Variants in CDH13 observed in about 807,000 individuals in gnomAD.
The protein encoded by CDH13 is cadherin-13.
A neutral mutation model predicts 63.8 loss-of-function variants in CDH13; 24 were observed. The ratio of observed to expected loss-of-function variants is 0.38; its 90% CI spans 0.27 to 0.53. The LOEUF is 0.53. Among genes scored for constraint, CDH13 ranks in the 20% least tolerant of loss-of-function variants. The pLI, the probability that CDH13 is intolerant of heterozygous loss-of-function variation, is 0.85. For synonymous variants in CDH13, 503 were observed against 355.3 expected, an observed-to-expected ratio of 1.42 and a Z score of -4.67; for missense variants, 1,049 against 903.1, an observed-to-expected ratio of 1.16 and a Z score of -2.07.
intron 1 of CDH13, among the ~76,000 whole-genome samples, chr16:82,808,835 T>G (rs2037291529): frequency 6.6e-6 from 1 of 152,156 alleles, no homozygotes; most frequent in Admixed American, 6.6e-5. Flanking sequence ...GGTGTGAGTC[T>G]GCCAAAAATT....
chr16:83,277,615 T>C (rs1228387902), intron 5 of CDH13, among the ~76,000 whole-genome samples: 1 of 152,176 alleles, frequency 6.6e-6, no homozygotes, highest in Non-Finnish European at 1.5e-5. Flanking sequence ...CTCATGTATA[T>C]ATCATGGAGC....
At chr16:82,710,578 A>ATAT (rs1567650057) in intron 1 of CDH13, among the ~76,000 whole-genome samples, 1 of 111,604 alleles carries the variant, frequency 9.0e-6, no homozygotes, top group Non-Finnish European at 1.9e-5. Context: ...TATATATATA[A>ATAT]ATATATTTCT....
intron 5 of CDH13, among the ~76,000 whole-genome samples, chr16:83,322,220 G>C (rs2090245829): frequency 6.6e-6 from 1 of 152,202 alleles, no homozygotes; most frequent in Non-Finnish European, 1.5e-5. Context: ...AGCCTTTGGT[G>C]TTGCCGGCTG....
In CDH13 at chr16:82,814,450, C is replaced by A. The variant is rs554363504; in HGVS notation, c.46-43912C>A. Among the ~76,000 whole-genome samples the A allele has an allele frequency of 7.4e-4, 112 of 152,196 alleles. 1 individual carries two copies. Among genetic ancestry groups the A allele is most frequent in the Admixed American group, 2.0e-3 (31 of 15,296 alleles). On this transcript the variant is annotated intron_variant, in intron 1 of 13. Coordinates refer to ENST00000567109, the MANE Select transcript of CDH13 (RefSeq NM_001257.5). The stretch of plus-strand genomic sequence containing the variant: ...GAAGACTGAGTTGATCACCAACGGT[C>A]AGTGAGATACTCAATCGTGCCTATG...
intron 1 of CDH13, among the ~76,000 whole-genome samples, chr16:82,748,758 A>G (rs1421362561): frequency 2.6e-5 from 4 of 152,168 alleles, no homozygotes; most frequent in Non-Finnish European, 4.4e-5. Context: ...GATCTCCTAT[A>G]AAGAGCCAGG....
At chr16:83,293,085 T>G (rs2089502788) in intron 5 of CDH13, among the ~76,000 whole-genome samples, 1 of 152,198 alleles carries the variant, frequency 6.6e-6, no homozygotes, top group Non-Finnish European at 1.5e-5. Context: ...CAACAGTAAT[T>G]ACTGTGTGAT....
intron 8 of CDH13, among the ~76,000 whole-genome samples, chr16:83,669,891 C>T (rs1032263359): frequency 2.0e-5 from 3 of 152,198 alleles, no homozygotes; most frequent in Non-Finnish European, 2.9e-5. Context: ...TACTATTCAC[C>T]TGTAGTGTGT....
intron 4 of CDH13, among the ~76,000 whole-genome samples, chr16:83,128,392 A>G (rs1418692822): frequency 6.6e-6 from 1 of 152,232 alleles, no homozygotes. Flanking sequence ...GGTTAAAGCC[A>G]GGAATCTGCG....
intron 2 of CDH13, among the ~76,000 whole-genome samples, chr16:82,900,946 C>A (rs965152922): frequency 6.6e-6 from 1 of 152,176 alleles, no homozygotes; most frequent in Non-Finnish European, 1.5e-5. Flanking sequence ...ATGGGGCCTT[C>A]ATGGATAAAG....
chr16:83,434,983 A>AT (rs879837568), intron 6 of CDH13, among the ~76,000 whole-genome samples: 2,356 of 139,252 alleles, frequency 0.017, 28 homozygotes, highest in Non-Finnish European at 0.027. Context: ...ATAAATAAAT[A>AT]AATATATATA....
intron 5 of CDH13, among the ~76,000 whole-genome samples, chr16:83,341,699 C>G (rs760189465): frequency 1.3e-5 from 2 of 152,060 alleles, no homozygotes; most frequent in Non-Finnish European, 2.9e-5. Flanking sequence ...TTGTTCTACG[C>G]AAAAACTCTT....
At position 83,290,738 on chromosome 16, in the gene CDH13, C is replaced by T. The variant is rs151148512; in HGVS notation, c.637-54124C>T. On this transcript the variant is annotated intron_variant, in intron 5 of 13. Transcript: ENST00000567109. ...AGACCTCTTGGTCCTGTGTTCAGGG[C>T]CTTTCTCGGGCTCCAAGGCCCTCGT... Among the ~76,000 whole-genome samples the T allele has an allele frequency of 5.9e-5, 9 of 152,266 alleles. 1 individual carries two copies. Among genetic ancestry groups the T allele is most frequent in the South Asian group, 2.1e-4 (1 of 4,814 alleles).
chr16:83,453,345 T>C (rs1043707215), intron 6 of CDH13, among the ~76,000 whole-genome samples: 3 of 151,930 alleles, frequency 2.0e-5, no homozygotes, highest in Admixed American at 2.0e-4. Flanking sequence ...AAATACCACC[T>C]GTTCCCCAAA....
At chr16:83,010,999 C>T (rs941439162) in intron 2 of CDH13, among the ~76,000 whole-genome samples, 1 of 152,132 alleles carries the variant, frequency 6.6e-6, no homozygotes, top group Non-Finnish European at 1.5e-5. Context: ...CATGCAACAT[C>T]GTCGCCTAAT....
intron 4 of CDH13, among the ~76,000 whole-genome samples, chr16:83,154,971 A>G (rs535393294): frequency 2.0e-5 from 3 of 152,218 alleles, no homozygotes; most frequent in African/African-American, 7.2e-5. Context: ...TAGGGAAAAA[A>G]TCCCCTCTGA....
intron 8 of CDH13, among the ~76,000 whole-genome samples, chr16:83,650,063 A>C (rs954992161): frequency 5.9e-5 from 9 of 152,208 alleles, no homozygotes; most frequent in African/African-American, 2.2e-4. Context: ...CCCAAGGGTG[A>C]CACAGCTGCC....
At chr16:83,108,095 A>T (rs1439326889) in intron 3 of CDH13, among the ~76,000 whole-genome samples, 3 of 152,120 alleles carry the variant, frequency 2.0e-5, no homozygotes, top group African/African-American at 7.2e-5. Context: ...TGCTGGGATT[A>T]CAGACATGAG....
chr16:82,912,065 C>T (rs1175392055), intron 2 of CDH13, among the ~76,000 whole-genome samples: 1 of 152,036 alleles, frequency 6.6e-6, no homozygotes, highest in Non-Finnish European at 1.5e-5. Flanking sequence ...CACGGCCGCC[C>T]CTGCCGTCTC....
chr16:83,798,913 T>C lies in CDH13; in HGVS notation c.*3883T>C, dbSNP rs1377706946. ...TCGTTCTAAATTAATATTGAGACCT[T>C]AGAAATTTTTCCTGTGCAAGATAAC... On this transcript the variant is annotated 3_prime_UTR_variant, in exon 14 of 14. Coordinates refer to ENST00000567109, the MANE Select transcript of CDH13 (RefSeq NM_001257.5). 1 of 152,122 alleles carries C rather than the reference T, an allele frequency of 6.6e-6. No homozygotes were observed. Among genetic ancestry groups the C allele is most frequent in the Non-Finnish European group, 1.5e-5 (1 of 68,022 alleles). The allele number at this position is 152,122 out of a possible 1,614,324, so 9.4% of individuals were successfully genotyped here.
Sources: allele counts gnomAD v4.1 joint callset (sites outside exome capture counted in the v4.1 genomes callset), GRCh38; gene constraint gnomAD v4.1.1; transcripts MANE v1.5; gene names NCBI Gene and HGNC (gene_info 2026-07-23, HGNC 2026-07-21).